Variants in OR14I1 observed in about 807,000 individuals in gnomAD.
OR14I1 encodes the protein olfactory receptor family 14 subfamily I member 1, also known as olfactory receptor 14I1.
For missense variants in OR14I1, 279 were observed against 181.8 expected (o/e 1.53, Z -3.07); for synonymous variants, 118 against 71.1 (o/e 1.66, Z -3.32).
chr1:248,682,035 G>A, exon 1 of OR14I1: 1 of 781,066 alleles, frequency 1.3e-6, no homozygotes. Context: ...CAAGATAAGA[G>A]ATGGAGCTTC....
chr1:248,701,532 C>A, the OR14I1 span, among the ~76,000 whole-genome samples: 3 of 152,144 alleles, frequency 2.0e-5, no homozygotes, highest in Non-Finnish European at 4.4e-5. Flanking sequence ...ACTATAAAAA[C>A]ATTAAAACAC....
chr1:248,702,253 A>G, the OR14I1 span, among the ~76,000 whole-genome samples: 1 of 152,194 alleles, frequency 6.6e-6, no homozygotes, highest in South Asian at 2.1e-4. Flanking sequence ...CTGAGGCAAG[A>G]AAGTTCCTTC....
chr1:248,688,439 C>A, the OR14I1 span, among the ~76,000 whole-genome samples: 1 of 152,168 alleles, frequency 6.6e-6, no homozygotes, highest in Non-Finnish European at 1.5e-5. Flanking sequence ...AGTTTTTCTG[C>A]CAAAAAGTTG....
the OR14I1 span, among the ~76,000 whole-genome samples, chr1:248,700,108 T>C: frequency 6.6e-6 from 1 of 152,220 alleles, no homozygotes; most frequent in Admixed American, 6.5e-5. Context: ...TAAATTAGAA[T>C]GCGCATCCTA....
chr1:248,702,550 G>A, the OR14I1 span, among the ~76,000 whole-genome samples: 2 of 151,774 alleles, frequency 1.3e-5, no homozygotes, highest in African/African-American at 2.4e-5. Context: ...CCACCACCTC[G>A]ATCCAAGCCT....
chr1:248,695,387 C>G, the OR14I1 span, among the ~76,000 whole-genome samples: 1 of 151,854 alleles, frequency 6.6e-6, no homozygotes, highest in Non-Finnish European at 1.5e-5. Context: ...GCGCCCGCCA[C>G]CACGCCCAGC....
chr1:248,694,766 G>A, the OR14I1 span, among the ~76,000 whole-genome samples: 1 of 152,278 alleles, frequency 6.6e-6, no homozygotes, highest in Non-Finnish European at 1.5e-5. Flanking sequence ...CTGGATAAAA[G>A]AGCTTGTGCA....
At chr1:248,682,344 A>G (rs1160502565), upstream of OR14I1, 1 of 699,038 alleles carries the variant, frequency 1.4e-6, no homozygotes, top group East Asian at 2.4e-5. Flanking sequence ...GAGAAAAAAT[A>G]TACAATAGTT....
the OR14I1 span, among the ~76,000 whole-genome samples, chr1:248,693,791 AAAG>A: frequency 1.9e-4 from 29 of 152,014 alleles, no homozygotes; most frequent in Non-Finnish European, 1.2e-4. Flanking sequence ...AAAAAAAAAA[AAAG>A]GATGGGAAAA....
At chr1:248,685,906 A>G (rs6703414), upstream of OR14I1, among the ~76,000 whole-genome samples, 111,013 of 151,178 alleles carry the variant, frequency 0.73, 44,007 homozygotes, top group Non-Finnish European at 0.88. Flanking sequence ...TACAAAACAA[A>G]TCTATAGGGA....
chr1:248,684,866 T>C (rs1572130403), upstream of OR14I1, among the ~76,000 whole-genome samples: 1 of 109,396 alleles, frequency 9.1e-6, no homozygotes, highest in African/African-American at 3.6e-5. Flanking sequence ...AAAAATAAGT[T>C]GAAAACATTG....
chr1:248,690,600 CAAAAA>C, the OR14I1 span, among the ~76,000 whole-genome samples: 16 of 51,520 alleles, frequency 3.1e-4, no homozygotes, highest in Admixed American at 1.4e-3. Context: ...GTCTACCAAC[CAAAAA>C]AAAAAAAAAA....
chr1:248,692,229 G>A, the OR14I1 span: 8,891 of 152,654 alleles, frequency 0.058, 849 homozygotes, highest in African/African-American at 0.2. Context: ...GTGAGCGGAT[G>A]GCTTGGGGTC....
chr1:248,701,127 GACAA>G, the OR14I1 span, among the ~76,000 whole-genome samples: 18 of 152,164 alleles, frequency 1.2e-4, no homozygotes, highest in African/African-American at 4.3e-4. Flanking sequence ...CTTTTTACAA[GACAA>G]ACAATAATGA....
At chr1:248,684,524 T>C (rs112979495), upstream of OR14I1, among the ~76,000 whole-genome samples, 4 of 152,312 alleles carry the variant, frequency 2.6e-5, no homozygotes, top group East Asian at 1.9e-4. Flanking sequence ...GTTTGCTCCA[T>C]GACGTTTAAA....
downstream of OR14I1, among the ~76,000 whole-genome samples, chr1:248,679,372 C>T (rs1472332975): frequency 6.6e-6 from 1 of 151,394 alleles, no homozygotes; most frequent in Non-Finnish European, 1.5e-5. Flanking sequence ...GATGTTCTGT[C>T]GCTTGATGTT....
chr1:248,695,772 G>A, the OR14I1 span, among the ~76,000 whole-genome samples: 1 of 152,082 alleles, frequency 6.6e-6, no homozygotes, highest in African/African-American at 2.4e-5. Flanking sequence ...CACATTTGCA[G>A]GGCCCATGGT....
the OR14I1 span, among the ~76,000 whole-genome samples, chr1:248,688,606 G>A: frequency 1.7e-3 from 260 of 152,296 alleles, 1 homozygote; most frequent in African/African-American, 6.1e-3. Context: ...TATAATCACA[G>A]ACTGGTACAA....
At chr1:248,692,208 C>T in the OR14I1 span, 10 of 152,568 alleles carry the variant, frequency 6.6e-5, no homozygotes, top group Admixed American at 2.6e-4. Context: ...CTTTCATGCC[C>T]TTCTTCACAG....
Sources: allele counts gnomAD v4.1 joint callset (sites outside exome capture counted in the v4.1 genomes callset), GRCh38; gene constraint gnomAD v4.1.1; transcripts MANE v1.5; gene names NCBI Gene and HGNC (gene_info 2026-07-23, HGNC 2026-07-21).